The following PLCG2 variants were observed in gnomAD, a reference collection of about 807,000 sequenced individuals.
PLCG2 encodes the protein phospholipase C gamma 2.
PLCG2 carries 69 observed loss-of-function variants against 175.6 expected under a neutral mutation model. The ratio of observed to expected loss-of-function variants is 0.39; its 90% CI spans 0.32 to 0.48. PLCG2 has a LOEUF of 0.48. Ranked by LOEUF, PLCG2 falls within the 20% of genes least tolerant of loss-of-function variation. The pLI is 0.91. For synonymous variants in PLCG2, 827 were observed against 624.0 expected, an observed-to-expected ratio of 1.33 and a Z score of -4.85; for missense variants, 1,798 against 1,650.9, an observed-to-expected ratio of 1.09 and a Z score of -1.54.
intron 2 of PLCG2, among the ~76,000 whole-genome samples, chr16:81,850,604 C>T (rs1397908224): frequency 2.0e-5 from 3 of 152,092 alleles, no homozygotes; most frequent in African/African-American, 7.2e-5. Flanking sequence ...AGAAGCAGCA[C>T]AAGAGAAAGA....
intron 1 of PLCG2, among the ~76,000 whole-genome samples, chr16:81,744,253 C>A (rs1031923339): frequency 2.0e-5 from 3 of 151,402 alleles, no homozygotes; most frequent in Admixed American, 6.6e-5. Context: ...CTGTCAGCTC[C>A]GGCTCCTGGG....
chr16:81,872,569 A>C (rs952505260), intron 7 of PLCG2, among the ~76,000 whole-genome samples: 1 of 152,242 alleles, frequency 6.6e-6, no homozygotes, highest in African/African-American at 2.4e-5. Flanking sequence ...TAAAGTTTTA[A>C]AATTGAGACT....
At chr16:81,953,530 A>G (rs1911450420) in intron 31 of PLCG2, among the ~76,000 whole-genome samples, 1 of 152,214 alleles carries the variant, frequency 6.6e-6, no homozygotes, top group Non-Finnish European at 1.5e-5. Context: ...AAAGGCAGAG[A>G]GTGCCATAAA....
chr16:81,936,457 C>T (rs1910717539), intron 27 of PLCG2, 79 bp downstream of exon 27: 9 of 1,112,072 alleles, frequency 8.1e-6, no homozygotes, highest in Admixed American at 3.4e-5. Context: ...CTTGGGTCAG[C>T]GATACCATGT....
chr16:81,923,701 G>A (rs1044031506), intron 22 of PLCG2, 107 bp downstream of exon 22: 4 of 647,350 alleles, frequency 6.2e-6, no homozygotes, highest in Non-Finnish European at 1.1e-5. Flanking sequence ...GTCATCCTGG[G>A]CTGGCTTTGA....
intron 31 of PLCG2, among the ~76,000 whole-genome samples, chr16:81,950,617 T>A (rs892275134): frequency 6.6e-6 from 1 of 152,226 alleles, no homozygotes; most frequent in East Asian, 1.9e-4. Flanking sequence ...TTGCATTCGT[T>A]AGAAAACTTT....
At position 81,957,994 on chromosome 16, in the gene PLCG2, C is replaced by G; in HGVS notation, c.3794C>G (p.Ser1265Ter). 2.5e-6 allele frequency: 4 copies of G among 1,610,592 alleles called. No individual in the cohort carries two copies. Among genetic ancestry groups the G allele is most frequent in the Non-Finnish European group, 3.4e-6 (4 of 1,176,838 alleles). ...AGAGTCAGCAACAGCAAGTTTTACT[C>G]ATAGAAGCTGGGGTATGTGTGTAAG... is the stretch of plus-strand genomic sequence containing the variant. Reference protein sequence around the residue: ...EKRVSNSKFYS With the variant: ...EKRVSNSKFY The change falls in exon 33 of 33, where the codon TCA becomes TGA. Residue 1265 changes from serine to a stop codon, truncating the protein, a stop_gained. Transcript: ENST00000564138. LOFTEE classifies it high-confidence loss of function.
At position 81,931,599 on chromosome 16, in the gene PLCG2, A is replaced by G. The variant is rs1910506289; in HGVS notation, c.2684A>G (p.Glu895Gly). ...GAGTTTGCCACAGACAGGGTGGAGG[A>G]GCTCTTTGAGTGGTTTCAGAGCATC... is the stretch of plus-strand genomic sequence containing the variant. ...PVEFATDRVE[E>G]LFEWFQSIRE... is the part of the protein sequence containing the mutation. Residue 895 changes from glutamate to glycine, a missense_variant, in exon 25 of 33, where the codon GAG becomes GGG. Physicochemically the swap from Glu to Gly is moderately conservative, Grantham distance 98. Coordinates refer to ENST00000564138, the MANE Select transcript of PLCG2 (RefSeq NM_002661.5). 1 of 1,613,996 alleles carries G rather than the reference A, an allele frequency of 6.2e-7. No individual in the cohort carries two copies. The highest frequency in any genetic ancestry group is 2.2e-5 in the East Asian group (1 of 44,874).
intron 2 of PLCG2, among the ~76,000 whole-genome samples, chr16:81,770,750 A>G (rs993512578): frequency 1.3e-5 from 2 of 152,096 alleles, no homozygotes; most frequent in East Asian, 3.9e-4. Context: ...CTGTTGAGGT[A>G]TAACGTGCAT....
chr16:81,945,539 C>A (rs1052083533), intron 30 of PLCG2, among the ~76,000 whole-genome samples: 9 of 152,178 alleles, frequency 5.9e-5, no homozygotes, highest in Non-Finnish European at 1.2e-4. Context: ...GCCAGCAAAC[C>A]AACCTTTGAG....
At chr16:81,834,295 G>T (rs1286353670) in intron 2 of PLCG2, among the ~76,000 whole-genome samples, 1 of 152,164 alleles carries the variant, frequency 6.6e-6, no homozygotes, top group African/African-American at 2.4e-5. Context: ...AGGTGTTTCT[G>T]CCCTGAACTT....
chr16:81,817,894 G>A (rs1004931659), intron 2 of PLCG2, among the ~76,000 whole-genome samples: 6 of 152,220 alleles, frequency 3.9e-5, no homozygotes, highest in African/African-American at 1.4e-4. Flanking sequence ...ATGTTCTCAC[G>A]TTCCTTACTG....
intron 2 of PLCG2, among the ~76,000 whole-genome samples, chr16:81,809,139 G>A (rs892411086): frequency 3.9e-5 from 6 of 152,256 alleles, no homozygotes; most frequent in African/African-American, 1.2e-4. Context: ...TGCTTTTGTG[G>A]CAGGGAACTG....
At chr16:81,884,997 C>T (rs905319459) in intron 9 of PLCG2, among the ~76,000 whole-genome samples, 1 of 152,122 alleles carries the variant, frequency 6.6e-6, no homozygotes, top group African/African-American at 2.4e-5. Context: ...AACCGATCCT[C>T]CTGCCTCAGC....
chr16:81,953,882 G>C (rs891765204), intron 31 of PLCG2, among the ~76,000 whole-genome samples: 7 of 152,140 alleles, frequency 4.6e-5, no homozygotes, highest in Non-Finnish European at 1.0e-4. Flanking sequence ...AGCATTCATA[G>C]AAAAGGTGAA....
rs1911816074 is a variant in PLCG2, at chr16:81,962,584, TAGAG to T, written c.*4588_*4591del. On this transcript the variant is annotated 3_prime_UTR_variant, in exon 33 of 33. Coordinates refer to ENST00000564138, the MANE Select transcript of PLCG2 (RefSeq NM_002661.5). Reference sequence around the variant, plus strand: ...ATAAATAGTATGTGCTTTGTGTACATAGAGAATTAAGTGAATGAGTCACACAGAT... The same window carrying T: ...ATAAATAGTATGTGCTTTGTGTACATAATTAAGTGAATGAGTCACACAGAT... The T allele has an allele frequency of 4.5e-6, 1 of 222,008 alleles. No homozygotes were observed. Among genetic ancestry groups the T allele is most frequent in the East Asian group, 6.6e-5 (1 of 15,106 alleles). 13.8% of individuals were successfully genotyped at this position (222,008 alleles called of 1,614,324 possible).
intron 15 of PLCG2, chr16:81,906,291 C>G (rs1461834045): frequency 1.3e-5 from 2 of 152,188 alleles, no homozygotes; most frequent in Non-Finnish European, 2.9e-5. Context: ...GGTCGTTCCA[C>G]CAGAAACCTT....
chr16:81,749,514 A>G (rs1209086619), intron 1 of PLCG2, among the ~76,000 whole-genome samples: 1 of 151,950 alleles, frequency 6.6e-6, no homozygotes, highest in South Asian at 2.1e-4. Context: ...CACCAAGCCC[A>G]GCTAATTATG....
At chr16:81,788,212 C>T (rs1034345796) in intron 2 of PLCG2, among the ~76,000 whole-genome samples, 1 of 152,130 alleles carries the variant, frequency 6.6e-6, no homozygotes, top group Non-Finnish European at 1.5e-5. Flanking sequence ...TTGCATTATT[C>T]TTCATTTGTA....
Sources: gnomAD v4.1 joint callset for allele counts (sites outside exome capture counted in the v4.1 genomes callset) on GRCh38, gnomAD v4.1.1 for gene constraint, MANE v1.5 for transcripts, NCBI Gene and HGNC (gene_info 2026-07-23, HGNC 2026-07-21) for gene names.